The following COBL variants were observed in gnomAD, a reference collection of about 807,000 sequenced individuals.
COBL encodes the protein cordon-bleu WH2 repeat protein.
In COBL, 51 loss-of-function variants were observed where a neutral mutation model predicts 98.8. The ratio of observed to expected loss-of-function variants is 0.52; its 90% CI spans 0.41 to 0.65. COBL has a LOEUF of 0.65. Among genes scored for constraint, COBL ranks in the 30% least tolerant of loss-of-function variants. The pLI, the probability that COBL is intolerant of heterozygous loss-of-function variation, is 0.00. For synonymous variants in COBL, 634 were observed against 651.7 expected (o/e 0.97, Z 0.41); for missense variants, 1,617 against 1,617.5 (o/e 1.00, Z 0.01).
At chr7:51,075,399 T>C (rs1207612825) in intron 7 of COBL, among the ~76,000 whole-genome samples, 5 of 152,202 alleles carry the variant, frequency 3.3e-5, no homozygotes, top group African/African-American at 1.2e-4. Flanking sequence ...CACACTATGA[T>C]ATATTTTTAC....
At chr7:51,138,128 C>T (rs1005842046) in intron 5 of COBL, among the ~76,000 whole-genome samples, 10 of 152,288 alleles carry the variant, frequency 6.6e-5, no homozygotes, top group East Asian at 1.9e-4. Context: ...TGAATATCAA[C>T]GATGCCCGAT....
chr7:51,305,375 T>C (rs1371347075), intron 1 of COBL, among the ~76,000 whole-genome samples: 1 of 152,130 alleles, frequency 6.6e-6, no homozygotes, highest in Non-Finnish European at 1.5e-5. Flanking sequence ...AAATGAAAAG[T>C]AAACATCAAG....
chr7:51,078,895 T>C (rs964377560), intron 7 of COBL, among the ~76,000 whole-genome samples: 4 of 152,208 alleles, frequency 2.6e-5, no homozygotes, highest in African/African-American at 9.6e-5. Flanking sequence ...TGGGTCTCCG[T>C]AGAGCAGCTC....
chr7:51,198,514 T>C lies in COBL; in HGVS notation c.246-4925A>G, dbSNP rs370970256. ...AGGGATCTTCTTGTGAAGTGTCTTA[T>C]TGGGATTCTCTGCATTTATTTCTTT... On this transcript the variant is annotated intron_variant, in intron 2 of 12. Transcript: ENST00000265136. 9.2e-5 allele frequency among the ~76,000 whole-genome samples: 14 copies of C among 152,338 alleles called. No individual in the cohort carries two copies. In the East Asian group the frequency reaches 1.9e-3, roughly 21 times the overall value.
intron 2 of COBL, among the ~76,000 whole-genome samples, chr7:51,206,478 C>A (rs187945923): frequency 4.1e-4 from 57 of 138,506 alleles, no homozygotes; most frequent in Middle Eastern, 4.1e-3. Flanking sequence ...GTTGACAGAG[C>A]GAGACTCTGT....
intron 6 of COBL, among the ~76,000 whole-genome samples, chr7:51,094,543 A>G (rs1042751072): frequency 1.3e-5 from 2 of 152,156 alleles, no homozygotes; most frequent in Admixed American, 6.5e-5. Context: ...TAAAGGAGAA[A>G]TAAAGACCTA....
At chr7:51,167,244 G>A (rs894637846) in intron 5 of COBL, among the ~76,000 whole-genome samples, 24 of 152,092 alleles carry the variant, frequency 1.6e-4, no homozygotes, top group African/African-American at 5.5e-4. Flanking sequence ...AATAAATTCA[G>A]TAATGTTGCA....
chr7:51,161,579 G>A (rs1023259975), intron 5 of COBL, among the ~76,000 whole-genome samples: 1 of 152,174 alleles, frequency 6.6e-6, no homozygotes, highest in Non-Finnish European at 1.5e-5. Flanking sequence ...GTCACTGCCT[G>A]AACAGGGCAA....
intron 2 of COBL, among the ~76,000 whole-genome samples, chr7:51,204,874 A>T (rs1010088703): frequency 6.6e-6 from 1 of 152,216 alleles, no homozygotes; most frequent in Non-Finnish European, 1.5e-5. Context: ...ATTTCTATAC[A>T]TAAACCATTT....
At chr7:51,024,402 G>T (rs150673731) in intron 12 of COBL, among the ~76,000 whole-genome samples, 46 of 152,278 alleles carry the variant, frequency 3.0e-4, no homozygotes, top group African/African-American at 1.1e-3. Flanking sequence ...ACACCCACTA[G>T]GAATGGGCAG....
chr7:51,149,288 G>GGC (rs1247287610), intron 5 of COBL, among the ~76,000 whole-genome samples: 1 of 152,172 alleles, frequency 6.6e-6, no homozygotes, highest in Non-Finnish European at 1.5e-5. Flanking sequence ...GACAGGAACT[G>GGC]GCGTCTGTGG....
intron 6 of COBL, among the ~76,000 whole-genome samples, chr7:51,125,951 G>A (rs528099981): frequency 7.9e-5 from 12 of 152,210 alleles, no homozygotes; most frequent in South Asian, 2.1e-4. Context: ...TTTCTATATC[G>A]TTTAAGTAAG....
chr7:51,278,183 A>C (rs113476523), intron 1 of COBL, among the ~76,000 whole-genome samples: 4 of 152,258 alleles, frequency 2.6e-5, no homozygotes, highest in African/African-American at 9.6e-5. Context: ...CTCCACATTC[A>C]CAGAGACTCC....
intron 1 of COBL, among the ~76,000 whole-genome samples, chr7:51,291,020 AG>A (rs1247750952): frequency 1.3e-5 from 2 of 152,338 alleles, no homozygotes; most frequent in Admixed American, 6.5e-5. Context: ...CATTCCTGCC[AG>A]GGGCTCACAA....
chr7:51,162,473 G>A (rs1160559598), intron 5 of COBL, among the ~76,000 whole-genome samples: 1 of 152,130 alleles, frequency 6.6e-6, no homozygotes, highest in Non-Finnish European at 1.5e-5. Context: ...CTTTTCCAGA[G>A]AAGATCAAAT....
At chr7:51,218,629 A>G (rs1563052754) in intron 2 of COBL, among the ~76,000 whole-genome samples, 1 of 152,134 alleles carries the variant, frequency 6.6e-6, no homozygotes, top group Non-Finnish European at 1.5e-5. Context: ...ATGCACCTCT[A>G]TGCCTGGCTA....
intron 2 of COBL, among the ~76,000 whole-genome samples, chr7:51,203,796 G>T (rs149307058): frequency 1.0e-3 from 158 of 152,104 alleles, no homozygotes; most frequent in African/African-American, 3.6e-3. Flanking sequence ...CTATCAAACA[G>T]TCAAGGAATA....
chr7:51,144,217 G>A (rs756388147), intron 5 of COBL, among the ~76,000 whole-genome samples: 24 of 152,272 alleles, frequency 1.6e-4, no homozygotes, highest in Non-Finnish European at 2.6e-4. Flanking sequence ...TGATAGATTC[G>A]TGTGCAGACA....
intron 1 of COBL, among the ~76,000 whole-genome samples, chr7:51,258,921 C>T (rs79612738): frequency 0.011 from 1,646 of 152,228 alleles, 24 homozygotes; most frequent in African/African-American, 0.037. Context: ...AGGCATTCAT[C>T]GCTCCCAGAA....
Sources: gnomAD v4.1 joint callset for allele counts (sites outside exome capture counted in the v4.1 genomes callset) on GRCh38, gnomAD v4.1.1 for gene constraint, MANE v1.5 for transcripts, NCBI Gene and HGNC (gene_info 2026-07-23, HGNC 2026-07-21) for gene names.